Variants in THRAP3 observed in about 807,000 individuals in gnomAD.
The protein encoded by THRAP3 is thyroid hormone receptor associated protein 3.
In THRAP3, 16 loss-of-function variants were observed where a neutral mutation model predicts 101.0. The observed-to-expected ratio is 0.16, with a 90% CI of 0.11 to 0.24. THRAP3 has a LOEUF of 0.24. THRAP3 is among the 10% of genes least tolerant of loss of function. THRAP3 has a pLI of 1.00. For synonymous variants in THRAP3, 407 were observed against 422.6 expected (o/e 0.96, Z 0.45); for missense variants, 989 against 1,202.7 (o/e 0.82, Z 2.63).
intron 1 of THRAP3, among the ~76,000 whole-genome samples, chr1:36,238,498 G>A (rs969929876): frequency 2.0e-5 from 3 of 152,102 alleles, no homozygotes; most frequent in African/African-American, 7.2e-5. Context: ...GGGGCTTCAA[G>A]TGTTGCCTTC....
chr1:36,257,036 A>G (rs1645384929), intron 1 of THRAP3, among the ~76,000 whole-genome samples: 1 of 152,056 alleles, frequency 6.6e-6, no homozygotes, highest in African/African-American at 2.4e-5. Flanking sequence ...ACCTCAGGTG[A>G]TCTGCCCGCC....
intron 2 of THRAP3, among the ~76,000 whole-genome samples, chr1:36,272,677 T>G (rs1050816458): frequency 6.6e-6 from 1 of 152,230 alleles, no homozygotes; most frequent in Non-Finnish European, 1.5e-5. Flanking sequence ...TTTGTCTGTC[T>G]TATCTCTATC....
chr1:36,269,824 C>G (rs535136869), intron 2 of THRAP3, among the ~76,000 whole-genome samples: 1 of 151,576 alleles, frequency 6.6e-6, no homozygotes, highest in East Asian at 1.9e-4. Context: ...GCAGTCCTAC[C>G]CCTCAACCTC....
chr1:36,222,293 T>C (rs1644905983), upstream of THRAP3, among the ~76,000 whole-genome samples: 1 of 152,232 alleles, frequency 6.6e-6, no homozygotes, highest in East Asian at 1.9e-4. Context: ...GTAAACATAC[T>C]ATATAACTTT....
At chr1:36,266,685 T>A (rs1570292582) in intron 2 of THRAP3, among the ~76,000 whole-genome samples, 1 of 152,246 alleles carries the variant, frequency 6.6e-6, no homozygotes, top group Admixed American at 6.5e-5. Flanking sequence ...CTCTGGAACC[T>A]CTCATTTCCA....
At chr1:36,278,056 G>C (rs1044251732) in intron 2 of THRAP3, among the ~76,000 whole-genome samples, 1 of 131,972 alleles carries the variant, frequency 7.6e-6, no homozygotes, top group African/African-American at 2.8e-5. Context: ...CGTGAGCCCA[G>C]CCCCCCTTTT....
chr1:36,215,483 C>A, the THRAP3 span, among the ~76,000 whole-genome samples: 1 of 152,182 alleles, frequency 6.6e-6, no homozygotes, highest in African/African-American at 2.4e-5. Flanking sequence ...CAATTCTTGG[C>A]CTGGCTAACT....
At chr1:36,234,263 T>C (rs552212097) in intron 1 of THRAP3, among the ~76,000 whole-genome samples, 1 of 152,274 alleles carries the variant, frequency 6.6e-6, no homozygotes, top group Admixed American at 6.5e-5. Flanking sequence ...AAGATAAAAC[T>C]GATAAGTCCC....
chr1:36,235,718 C>A (rs76952663), intron 1 of THRAP3, among the ~76,000 whole-genome samples: 1 of 152,046 alleles, frequency 6.6e-6, no homozygotes, highest in Non-Finnish European at 1.5e-5. Flanking sequence ...AAGGAACACA[C>A]CTTAAGGATT....
At chr1:36,258,561 C>T (rs1645404748) in intron 1 of THRAP3, among the ~76,000 whole-genome samples, 1 of 152,122 alleles carries the variant, frequency 6.6e-6, no homozygotes, top group South Asian at 2.1e-4. Flanking sequence ...CCGCAAGCTC[C>T]ACCTCCTGGG....
At chr1:36,242,450 ATTTT>A (rs34973754) in intron 1 of THRAP3, among the ~76,000 whole-genome samples, 4 of 90,526 alleles carry the variant, frequency 4.4e-5, no homozygotes, top group Middle Eastern at 5.3e-3. Context: ...GTCTGTTTTG[ATTTT>A]TTTTTTTTTT....
At chr1:36,284,887 CT>C (rs1645776386) in intron 3 of THRAP3, among the ~76,000 whole-genome samples, 1 of 152,088 alleles carries the variant, frequency 6.6e-6, no homozygotes, top group Non-Finnish European at 1.5e-5. Context: ...CCCTTCTTTT[CT>C]TATATTGTTA....
At chr1:36,240,379 A>G (rs1645141193) in intron 1 of THRAP3, among the ~76,000 whole-genome samples, 1 of 152,192 alleles carries the variant, frequency 6.6e-6, no homozygotes, top group South Asian at 2.1e-4. Context: ...CTGGAGTCTG[A>G]TGTCTAAGGG....
At chr1:36,265,871 G>C (rs1160366671) in intron 2 of THRAP3, among the ~76,000 whole-genome samples, 1 of 151,844 alleles carries the variant, frequency 6.6e-6, no homozygotes, top group East Asian at 1.9e-4. Context: ...ATTGTGAAAT[G>C]GTCCAGATGT....
intron 2 of THRAP3, among the ~76,000 whole-genome samples, chr1:36,269,866 T>C (rs1342580154): frequency 6.6e-6 from 1 of 152,122 alleles, no homozygotes; most frequent in Non-Finnish European, 1.5e-5. Flanking sequence ...TGTGAGCCAC[T>C]GTTTACAGCT....
chr1:36,266,848 G>A (rs980669328), intron 2 of THRAP3, among the ~76,000 whole-genome samples: 6 of 130,482 alleles, frequency 4.6e-5, no homozygotes, highest in Admixed American at 1.5e-4. Flanking sequence ...ATTATAATAC[G>A]AATATTTATT....
chr1:36,251,267 A>G (rs534731334), intron 1 of THRAP3, among the ~76,000 whole-genome samples: 1 of 152,300 alleles, frequency 6.6e-6, no homozygotes, highest in East Asian at 1.9e-4. Flanking sequence ...TGATAAAAAG[A>G]TAAGTTCTGG....
At position 36,292,695 on chromosome 1, in the gene THRAP3, C is replaced by T. The variant is rs372540859; in HGVS notation, c.2016C>T (p.Ser672=). 5 of 1,612,906 alleles carry T rather than the reference C, an allele frequency of 3.1e-6. No homozygotes were observed. In the African/African-American group the frequency reaches 5.3e-5, roughly 17 times the overall value. Residue 672 remains serine, a synonymous_variant, in exon 7 of 12, where the codon AGC becomes AGT. Transcript: ENST00000354618. ...TEQEAAKNKK[S]PEIHRRIDIS... Reference sequence around the variant, plus strand: ...AGGAGGCAGCCAAAAACAAGAAAAGCCCAGAGATACACAGGTAAGGACCAT... The same window carrying T: ...AGGAGGCAGCCAAAAACAAGAAAAGTCCAGAGATACACAGGTAAGGACCAT...
upstream of THRAP3, among the ~76,000 whole-genome samples, chr1:36,219,725 C>T (rs913639824): frequency 3.9e-5 from 6 of 152,080 alleles, no homozygotes; most frequent in East Asian, 5.8e-4. Flanking sequence ...CCTCCGTGCC[C>T]GGCCCCTGAC....
Sources: allele counts gnomAD v4.1 joint callset (sites outside exome capture counted in the v4.1 genomes callset), GRCh38; gene constraint gnomAD v4.1.1; transcripts MANE v1.5; gene names NCBI Gene and HGNC (gene_info 2026-07-23, HGNC 2026-07-21).